Variants in SMARCA2 observed in about 807,000 individuals in gnomAD.
SMARCA2 encodes SWI/SNF-related matrix-associated actin-dependent regulator of chromatin subfamily A member 2.
SMARCA2 carries 61 observed loss-of-function variants against 199.8 expected under a neutral mutation model. The ratio of observed to expected loss-of-function variants is 0.31; its 90% confidence interval spans 0.25 to 0.38. The LOEUF (loss-of-function observed/expected upper bound fraction) is 0.38. SMARCA2 is among the 10% of genes least tolerant of loss of function. The pLI is 1.00. For missense variants in SMARCA2, 1,344 were observed against 2,012.2 expected (o/e 0.67, Z 6.35); for synonymous variants, 935 against 732.0 (o/e 1.28, Z -4.48).
At chr9:2,062,069 G>A (rs1820617687) in intron 9 of SMARCA2, among the ~76,000 whole-genome samples, 1 of 152,116 alleles carries the variant, frequency 6.6e-6, no homozygotes, top group Non-Finnish European at 1.5e-5. Context: ...TTAAAAAGAT[G>A]TTTTCAGAGT....
chr9:2,097,258 A>C (rs1488678327), intron 20 of SMARCA2, 127 bp from the exon 21 acceptor site: 1 of 592,538 alleles, frequency 1.7e-6, no homozygotes, highest in Non-Finnish European at 3.0e-6. Context: ...TTTGAACCAC[A>C]AGGTGTGTAG....
Position 2,039,510 on chromosome 9 carries a change from G to A in SMARCA2, c.400G>A (p.Val134Ile), listed in dbSNP as rs201403629. Residue 134 changes from valine to isoleucine, a missense_variant, in exon 4 of 34, where the codon GTC becomes ATC. By Grantham distance (29) the Val-to-Ile change is conservative. Transcript: ENST00000349721. The surrounding 1 kb of genome is among the most constrained non-coding windows in gnomAD (Gnocchi z 4.8). ...ATCTCCATTAGGAGCCCCAGAGCAC[G>A]TCTCCAGCCCTATGTCTGGAGGAGG... is the stretch of plus-strand genomic sequence containing the variant. The part of the protein sequence containing the change: ...HPSPLGAPEH[V>I]SSPMSGGGPT... The A allele has an allele frequency of 1.7e-5, 27 of 1,613,964 alleles. No homozygotes were observed. In the Admixed American group the frequency reaches 2.0e-4, roughly 12 times the overall value.
chr9:2,166,634 A>G (rs1825943594), intron 28 of SMARCA2, among the ~76,000 whole-genome samples: 1 of 152,168 alleles, frequency 6.6e-6, no homozygotes, highest in Admixed American at 6.5e-5. Flanking sequence ...TACTATGTTT[A>G]TGTATCTAAG....
In SMARCA2 at chr9:2,017,703, C is replaced by T. The variant is rs1270353519; in HGVS notation, c.-37+2299C>T. ...CCGGGCCGCGGGCTGTGGCGCGGGC[C>T]TAGAGCCGCGGCTCGGAGACCGGTT... On this transcript the variant is annotated intron_variant, in intron 1 of 33. Transcript: ENST00000349721. This position sits in a 1 kb window ranked among gnomAD's most constrained non-coding sequence, Gnocchi z 8.8. 2 of 152,104 alleles carry T rather than the reference C, an allele frequency of 1.3e-5. No homozygotes were observed. The highest frequency in any genetic ancestry group is 4.8e-5 in the African/African-American group (2 of 41,438). 9.4% of individuals were successfully genotyped at this position (152,104 alleles called of 1,614,324 possible). A position where few individuals can be genotyped will look rare whatever the true frequency, so the allele number is the denominator to read the frequency against.
At chr9:2,127,156 C>G (rs778288307) in intron 27 of SMARCA2, among the ~76,000 whole-genome samples, 1 of 152,134 alleles carries the variant, frequency 6.6e-6, no homozygotes, top group Non-Finnish European at 1.5e-5. Flanking sequence ...TAATTGTCCT[C>G]TTAACATTTC....
Position 2,039,066 on chromosome 9 carries a change from T to C in SMARCA2, c.356-400T>C, listed in dbSNP as rs1179312322. On this transcript the variant is annotated intron_variant, in intron 3 of 33. Coordinates refer to ENST00000349721, the MANE Select transcript of SMARCA2 (RefSeq NM_003070.5). This position sits in a 1 kb window ranked among gnomAD's most constrained non-coding sequence, Gnocchi z 4.8. ...ATGTAGCTATTGATCACTTGAAGTG[T>C]GGTTAGTTCGAATTGAGATGTCCTT... 6.6e-6 allele frequency among the ~76,000 whole-genome samples: 1 copy of C among 152,162 alleles called. No homozygotes were observed. Among genetic ancestry groups the C allele is most frequent in the African/African-American group, 2.4e-5 (1 of 41,432 alleles).
chr9:2,115,676 TTG>T lies in SMARCA2; in HGVS notation c.3457-140_3457-139del, dbSNP rs1247189367. On this transcript the variant is annotated intron_variant, in intron 24 of 33. Coordinates refer to ENST00000349721, the MANE Select transcript of SMARCA2 (RefSeq NM_003070.5). This position sits in a 1 kb window ranked among gnomAD's most constrained non-coding sequence, Gnocchi z 6.0. ...GACACTGAATTTTTCCAAACGTAGCTTGTGTGTTTTTAAAATGTAGGCAAAAT... is the reference window on the plus strand; with the variant it reads ...GACACTGAATTTTTCCAAACGTAGCTTGTGTTTTTAAAATGTAGGCAAAAT... 6 of 654,886 alleles carry T rather than the reference TTG, an allele frequency of 9.2e-6. No individual in the cohort carries two copies. In the East Asian group the frequency reaches 1.7e-4, roughly 18 times the overall value. The allele number at this position is 654,886 out of a possible 1,614,324, so 40.6% of individuals were successfully genotyped here. A position where few individuals can be genotyped will look rare whatever the true frequency, so the allele number is the denominator to read the frequency against.
chr9:2,192,899 G>A lies in SMARCA2; in HGVS notation c.*160G>A. The A allele has an allele frequency of 8.3e-6, 5 of 604,236 alleles. No individual in the cohort carries two copies. Among genetic ancestry groups the A allele is most frequent in the Admixed American group, 3.1e-5 (1 of 32,716 alleles). The allele number at this position is 604,236 out of a possible 1,614,324, so 37.4% of individuals were successfully genotyped here. The stretch of plus-strand genomic sequence containing the variant: ...GTGCCAGACAAACATATGATATCAT[G>A]GTGTAAAAAACACACACATACACAA... On this transcript the variant is annotated 3_prime_UTR_variant, in exon 34 of 34. Transcript: ENST00000349721.
intron 1 of SMARCA2, among the ~76,000 whole-genome samples, chr9:2,026,848 G>GA (rs1272195695): frequency 6.6e-6 from 1 of 151,806 alleles, no homozygotes; most frequent in Non-Finnish European, 1.5e-5. Flanking sequence ...AAAGCAAAAA[G>GA]AAAAAAAAGT....
intron 24 of SMARCA2, among the ~76,000 whole-genome samples, chr9:2,111,834 G>A (rs1161661903): frequency 6.6e-6 from 1 of 152,146 alleles, no homozygotes; most frequent in Non-Finnish European, 1.5e-5. Flanking sequence ...ATACAGATGA[G>A]GAGCACTGAT....
intron 28 of SMARCA2, among the ~76,000 whole-genome samples, chr9:2,167,567 G>A (rs1352858857): frequency 6.6e-6 from 1 of 152,320 alleles, no homozygotes; most frequent in East Asian, 1.9e-4. Flanking sequence ...ACAGAGGGGT[G>A]GCAGCCACGT....
intron 3 of SMARCA2, among the ~76,000 whole-genome samples, chr9:2,038,732 C>T (rs1177861803): frequency 6.6e-6 from 1 of 152,124 alleles, no homozygotes. Flanking sequence ...TGTCCCCTTA[C>T]CTTCCCAGTA....
chr9:2,070,306 T>G (rs1444966174), intron 9 of SMARCA2, 112 bp from the exon 10 acceptor site: 1 of 833,560 alleles, frequency 1.2e-6, no homozygotes, highest in Non-Finnish European at 2.0e-6. Context: ...TTAAGCTGTG[T>G]TAGATAATAA....
chr9:2,138,762 G>T (rs1824326736), intron 27 of SMARCA2, among the ~76,000 whole-genome samples: 1 of 152,128 alleles, frequency 6.6e-6, no homozygotes, highest in African/African-American at 2.4e-5. Context: ...AAGGGGTAGG[G>T]AAGAGAGCAC....
chr9:2,130,192 C>G (rs1420204427), intron 27 of SMARCA2, among the ~76,000 whole-genome samples: 1 of 152,202 alleles, frequency 6.6e-6, no homozygotes, highest in Non-Finnish European at 1.5e-5. Context: ...GTAATATATT[C>G]AATCCTGACC....
intron 23 of SMARCA2, among the ~76,000 whole-genome samples, chr9:2,108,037 C>T (rs1370027849): frequency 2.6e-5 from 4 of 151,234 alleles, no homozygotes; most frequent in Non-Finnish European, 5.9e-5. Flanking sequence ...ATCACAGGTT[C>T]GTTCTACACA....
chr9:2,182,592 C>T (rs1181156765), intron 31 of SMARCA2, among the ~76,000 whole-genome samples: 1 of 146,616 alleles, frequency 6.8e-6, no homozygotes, highest in Non-Finnish European at 1.5e-5. Flanking sequence ...CTCCCAGGTT[C>T]AAGCCATTCT....
chr9:2,143,432 C>G (rs1355311069), intron 27 of SMARCA2, among the ~76,000 whole-genome samples: 1 of 152,122 alleles, frequency 6.6e-6, no homozygotes, highest in Non-Finnish European at 1.5e-5. Flanking sequence ...TGATGTGTCC[C>G]TCTGTTTAAG....
intron 15 of SMARCA2, 46 bp from the exon 16 acceptor site, chr9:2,083,301 T>G (rs1032473056): frequency 1.3e-5 from 17 of 1,309,328 alleles, no homozygotes; most frequent in Non-Finnish European, 1.8e-5. Context: ...CCATTGATTT[T>G]TATACAAATG....
Sources: gnomAD v4.1 joint callset for allele counts (sites outside exome capture counted in the v4.1 genomes callset) on GRCh38, gnomAD v4.1.1 for gene constraint, Gnocchi (gnomAD v3.1) non-coding constraint, MANE v1.5 for transcripts, NCBI Gene and HGNC (gene_info 2026-07-23, HGNC 2026-07-21) for gene names.